Variants in PPP2R2D observed in about 807,000 individuals in gnomAD.
The protein encoded by PPP2R2D is protein phosphatase 2 regulatory subunit Bdelta.
In PPP2R2D, 9 loss-of-function variants were observed where a neutral mutation model predicts 31.1. The ratio of observed to expected loss-of-function variants is 0.29; its 90% CI spans 0.17 to 0.51. PPP2R2D has a LOEUF of 0.51. Among genes scored for constraint, PPP2R2D ranks in the 20% least tolerant of loss-of-function variants. PPP2R2D has a pLI of 0.98. For synonymous variants in PPP2R2D, 179 were observed against 172.6 expected (o/e 1.04, Z -0.29); for missense variants, 391 against 465.6 (o/e 0.84, Z 1.48).
intron 2 of PPP2R2D, among the ~76,000 whole-genome samples, chr10:131,916,535 C>G (rs1246629921): frequency 6.6e-6 from 1 of 152,172 alleles, no homozygotes. Flanking sequence ...ACAATAACTC[C>G]CCTTCTCCCC....
At chr10:131,960,343 G>A (rs1393435543), downstream of PPP2R2D, among the ~76,000 whole-genome samples, 1 of 152,220 alleles carries the variant, frequency 6.6e-6, no homozygotes, top group Non-Finnish European at 1.5e-5. Context: ...CGTGGTTCAG[G>A]TGGAGGTTTG....
chr10:131,903,013 A>G (rs1483948142), intron 2 of PPP2R2D, among the ~76,000 whole-genome samples: 1 of 152,094 alleles, frequency 6.6e-6, no homozygotes, highest in African/African-American at 2.4e-5. Flanking sequence ...CAGTCTCCCA[A>G]GGTGCTGAGA....
At chr10:131,917,160 G>C (rs1554893262) in intron 2 of PPP2R2D, among the ~76,000 whole-genome samples, 3 of 141,366 alleles carry the variant, frequency 2.1e-5, no homozygotes, top group African/African-American at 2.7e-5. Flanking sequence ...AGGGACCTCA[G>C]GCGGGTGGAA....
intron 2 of PPP2R2D, among the ~76,000 whole-genome samples, chr10:131,926,823 G>A (rs955399873): frequency 3.3e-5 from 5 of 152,250 alleles, no homozygotes; most frequent in Admixed American, 2.0e-4. Flanking sequence ...GGCCTTGCCC[G>A]GCACCTTGCC....
chr10:131,912,988 TA>T (rs1312073586), intron 2 of PPP2R2D, among the ~76,000 whole-genome samples: 12 of 152,172 alleles, frequency 7.9e-5, no homozygotes, highest in African/African-American at 1.2e-4. Context: ...CTGCTGAACT[TA>T]AAAAAGTCAG....
intron 2 of PPP2R2D, among the ~76,000 whole-genome samples, chr10:131,928,884 A>G (rs1303278607): frequency 1.3e-5 from 2 of 152,216 alleles, no homozygotes; most frequent in East Asian, 1.9e-4. Flanking sequence ...GTCTCTCGGG[A>G]CAAGAAGAGC....
the PPP2R2D span, among the ~76,000 whole-genome samples, chr10:131,966,044 T>C: frequency 3.0e-4 from 46 of 152,336 alleles, 1 homozygote; most frequent in South Asian, 2.3e-3. Flanking sequence ...TGCATGTGCA[T>C]GTAGAAGTTT....
chr10:131,947,700 G>A lies in PPP2R2D; in HGVS notation c.991G>A (p.Val331Ile). The change falls in exon 8 of 9, where the codon GTC becomes ATC. Residue 331 changes from valine to isoleucine, a missense_variant. Physicochemically the swap from Val to Ile is conservative, Grantham distance 29 (BLOSUM62 3). Around this residue, in one of 3 missense-constraint regions of PPP2R2D, gnomAD observed 163 missense variants for 179.5 expected, o/e 0.91. Transcript: ENST00000455566. This position sits in a 1 kb window ranked among gnomAD's most constrained non-coding sequence, Gnocchi z 4.3. ...GAGCAGGCCGGTGGAGACCCACCAG[G>A]TCCACGAGTACCTGCGCAGCAAGCT... ...MESRPVETHQ[V>I]HEYLRSKLCS... 6.2e-7 allele frequency: 1 copy of A among 1,614,176 alleles called. No homozygotes were observed.
chr10:131,953,735 T>G (rs116735623), intron 8 of PPP2R2D, among the ~76,000 whole-genome samples: 20 of 21,298 alleles, frequency 9.4e-4, no homozygotes, highest in East Asian at 2.6e-3. Flanking sequence ...AGTGACTTGC[T>G]GGTGTGCGGG....
intron 3 of PPP2R2D, among the ~76,000 whole-genome samples, chr10:131,936,517 A>T (rs770169818): frequency 3.9e-5 from 6 of 152,324 alleles, no homozygotes; most frequent in Middle Eastern, 6.8e-3. Context: ...TAGCTTATTT[A>T]AAAAGTCTGT....
chr10:131,925,571 A>G (rs1281499837), intron 2 of PPP2R2D, among the ~76,000 whole-genome samples: 2 of 152,224 alleles, frequency 1.3e-5, no homozygotes, highest in Non-Finnish European at 2.9e-5. Context: ...TCTGTATTTT[A>G]GAATAATTTG....
At chr10:131,938,219 T>C (rs1554896731) in intron 3 of PPP2R2D, among the ~76,000 whole-genome samples, 1 of 152,254 alleles carries the variant, frequency 6.6e-6, no homozygotes, top group Non-Finnish European at 1.5e-5. Context: ...TTGATCAGAT[T>C]GGAAATATCA....
intron 3 of PPP2R2D, among the ~76,000 whole-genome samples, chr10:131,938,258 G>A (rs542842124): frequency 6.6e-6 from 1 of 152,328 alleles, no homozygotes; most frequent in South Asian, 2.1e-4. Context: ...TTGAAAGTTC[G>A]TTTAGTTCCA....
In PPP2R2D at chr10:131,953,673, G is replaced by T. The variant is rs543231975; in HGVS notation, c.1083-2011G>T. On this transcript the variant is annotated intron_variant, in intron 8 of 8. Coordinates refer to ENST00000455566, the MANE Select transcript of PPP2R2D (RefSeq NM_018461.5). ...TCTTAGTGACTTCCAAGTGTGCGGG[G>T]GGTTCACTGTCTTAGCAGTGACTTG... Among the ~76,000 whole-genome samples, 618 of 126,452 alleles carry T rather than the reference G, an allele frequency of 4.9e-3. 2 individuals carry two copies. Among genetic ancestry groups the T allele is most frequent in the Non-Finnish European group, 7.8e-3 (484 of 62,248 alleles). 83.0% of individuals were successfully genotyped at this position (126,452 alleles called of 152,430 possible). A position where few individuals can be genotyped will look rare whatever the true frequency, so the allele number is the denominator to read the frequency against.
At chr10:131,939,568 T>C (rs12770608) in intron 3 of PPP2R2D, among the ~76,000 whole-genome samples, 1,592 of 86,172 alleles carry the variant, frequency 0.018, 233 homozygotes, top group Middle Eastern at 0.035. Context: ...AGGCTGTATT[T>C]GGCAGACCTG....
At chr10:131,916,698 CAT>C (rs1375432530) in intron 2 of PPP2R2D, among the ~76,000 whole-genome samples, 112 of 144,872 alleles carry the variant, frequency 7.7e-4, no homozygotes, top group African/African-American at 2.7e-3. Context: ...GGTGGAATGA[CAT>C]AGTGTTTGTA....
chr10:131,916,905 AAC>A (rs2035804521), intron 2 of PPP2R2D, among the ~76,000 whole-genome samples: 3 of 150,084 alleles, frequency 2.0e-5, no homozygotes, highest in African/African-American at 7.4e-5. Context: ...GGAATGACAC[AAC>A]GTTTGTAGGG....
At chr10:131,919,519 A>G (rs2035919244) in intron 2 of PPP2R2D, among the ~76,000 whole-genome samples, 1 of 125,910 alleles carries the variant, frequency 7.9e-6, no homozygotes, top group Non-Finnish European at 1.7e-5. Context: ...GTGGAATGAC[A>G]CAGTGTTTGT....
At chr10:131,970,954 A>G in the PPP2R2D span, 33 of 1,613,940 alleles carry the variant, frequency 2.0e-5, no homozygotes, top group Middle Eastern at 3.3e-4. This position sits in a 1 kb window ranked among gnomAD's most constrained non-coding sequence, Gnocchi z 4.1. Context: ...CCTTCTTTCA[A>G]TATCATCTTC....
Sources: gnomAD v4.1 joint callset for allele counts (sites outside exome capture counted in the v4.1 genomes callset) on GRCh38, gnomAD v4.1.1 for gene constraint, gnomAD v4.1.1 regional missense constraint, Gnocchi (gnomAD v3.1) non-coding constraint, MANE v1.5 for transcripts, NCBI Gene and HGNC (gene_info 2026-07-23, HGNC 2026-07-21) for gene names.